The following TMTC2 variants were observed in gnomAD, a reference collection of about 807,000 sequenced individuals.
The protein encoded by TMTC2 is transmembrane O-mannosyltransferase targeting cadherins 2, also known as protein O-mannosyl-transferase TMTC2.
Under a neutral mutation model 82.4 loss-of-function variants are expected in TMTC2, and 43 were observed. The ratio of observed to expected loss-of-function variants is 0.52; its 90% CI spans 0.41 to 0.67. The LOEUF (loss-of-function observed/expected upper bound fraction) is 0.67, where lower values mean the gene tolerates loss of function less well. TMTC2 is among the 30% of genes least tolerant of loss of function. The pLI is 0.00. For missense variants in TMTC2, 919 were observed against 1,012.4 expected, an observed-to-expected ratio of 0.91 and a Z score of 1.25; for synonymous variants, 408 against 381.9, an observed-to-expected ratio of 1.07 and a Z score of -0.80.
chr12:83,126,571 A>G (rs1885104074), intron 11 of TMTC2, among the ~76,000 whole-genome samples: 1 of 152,148 alleles, frequency 6.6e-6, no homozygotes, highest in Admixed American at 6.6e-5. Flanking sequence ...AAGGGCCTGA[A>G]CCAAGTTGGA....
At chr12:82,690,202 A>G (rs1355306909) in intron 1 of TMTC2, 7 of 197,570 alleles carry the variant, frequency 3.5e-5, no homozygotes, top group Non-Finnish European at 6.4e-5. Context: ...CCAAGTGTAA[A>G]CTGTAGGATG....
At chr12:83,113,327 A>G (rs1191228216) in intron 11 of TMTC2, among the ~76,000 whole-genome samples, 2 of 152,242 alleles carry the variant, frequency 1.3e-5, no homozygotes, top group Non-Finnish European at 2.9e-5. Context: ...AGAAAATGTC[A>G]TTGAGCTGGT....
At chr12:83,023,208 T>C (rs1253723457) in intron 8 of TMTC2, among the ~76,000 whole-genome samples, 1 of 152,210 alleles carries the variant, frequency 6.6e-6, no homozygotes, top group Non-Finnish European at 1.5e-5. Context: ...CTCTCTTTAT[T>C]TGGGAAATTT....
intron 1 of TMTC2, among the ~76,000 whole-genome samples, chr12:82,779,717 G>A (rs1412717521): frequency 6.6e-6 from 1 of 152,016 alleles, no homozygotes; most frequent in Non-Finnish European, 1.5e-5. Flanking sequence ...TAACCAATAT[G>A]GTGAAACCCT....
chr12:82,746,747 C>A (rs1875712643), intron 1 of TMTC2, among the ~76,000 whole-genome samples: 1 of 152,268 alleles, frequency 6.6e-6, no homozygotes, highest in Middle Eastern at 3.4e-3. Flanking sequence ...AGAGTTTTCT[C>A]TAGCAACGGC....
At chr12:82,918,714 TTCTCTCTCTCTCTC>T (rs61006862) in intron 3 of TMTC2, among the ~76,000 whole-genome samples, 1 of 148,362 alleles carries the variant, frequency 6.7e-6, no homozygotes, top group Non-Finnish European at 1.5e-5. Flanking sequence ...TTTTCTTTTC[TTCTCTCTCTCTCTC>T]TCTCTCTCTC....
chr12:83,052,912 A>G (rs1268413430), intron 10 of TMTC2, among the ~76,000 whole-genome samples: 1 of 150,610 alleles, frequency 6.6e-6, no homozygotes, highest in East Asian at 2.0e-4. Context: ...GTGCCCTCCT[A>G]TATTGACTGC....
intron 4 of TMTC2, among the ~76,000 whole-genome samples, chr12:82,952,908 T>C (rs907313596): frequency 6.6e-6 from 1 of 152,176 alleles, no homozygotes; most frequent in African/African-American, 2.4e-5. Flanking sequence ...ATAATGCATA[T>C]GGCATTTTGT....
intron 2 of TMTC2, among the ~76,000 whole-genome samples, chr12:82,859,788 C>G (rs1003471670): frequency 3.9e-5 from 6 of 151,992 alleles, no homozygotes; most frequent in African/African-American, 1.5e-4. Context: ...TGGCTCTTTG[C>G]CCAGACTCTC....
intron 11 of TMTC2, among the ~76,000 whole-genome samples, chr12:83,076,461 C>T (rs554110052): frequency 7.2e-5 from 11 of 152,278 alleles, no homozygotes; most frequent in Non-Finnish European, 4.4e-5. Context: ...CAAACTGGGA[C>T]CACACACTAA....
intron 1 of TMTC2, among the ~76,000 whole-genome samples, chr12:82,733,412 T>C (rs1874932507): frequency 6.6e-6 from 1 of 152,188 alleles, no homozygotes. Context: ...TTTCTTGCAG[T>C]ATTTAGGGCC....
chr12:83,120,494 G>A (rs950840318), intron 11 of TMTC2, among the ~76,000 whole-genome samples: 1 of 152,200 alleles, frequency 6.6e-6, no homozygotes, highest in Admixed American at 6.5e-5. Context: ...AGCCCTTCTA[G>A]CTTGTAGAAT....
At chr12:83,034,398 G>A (rs1252040349) in intron 9 of TMTC2, among the ~76,000 whole-genome samples, 2 of 152,154 alleles carry the variant, frequency 1.3e-5, no homozygotes, top group African/African-American at 2.4e-5. Context: ...GGATCCCATC[G>A]AACTAGGTAG....
chr12:83,017,895 G>T (rs1037774252), intron 8 of TMTC2, among the ~76,000 whole-genome samples: 31 of 151,144 alleles, frequency 2.1e-4, no homozygotes, highest in Non-Finnish European at 3.8e-4. Flanking sequence ...CTAGAACTTA[G>T]GTTTCAGTTA....
rs1565844722 is a variant in TMTC2 at position 82,997,157 on chromosome 12, C to CTCT, written c.2070+11111_2070+11112insTCT. 6.7e-3 allele frequency among the ~76,000 whole-genome samples: 276 copies of CTCT among 41,338 alleles called. 5 individuals carry two copies. The highest frequency in any genetic ancestry group is 0.015 in the African/African-American group (261 of 17,452). 27.1% of individuals were successfully genotyped at this position (41,338 alleles called of 152,430 possible). ...GACTCCCTCATCATTTTGATACTTC[C>CTCT]CTCTCTCTCTCTCTCTCTCCCACCC... On this transcript the variant is annotated intron_variant, in intron 8 of 11. Coordinates refer to ENST00000321196, the MANE Select transcript of TMTC2 (RefSeq NM_152588.3).
At chr12:82,744,136 T>C (rs1441683597) in intron 1 of TMTC2, among the ~76,000 whole-genome samples, 1 of 151,984 alleles carries the variant, frequency 6.6e-6, no homozygotes, top group African/African-American at 2.4e-5. Flanking sequence ...TTTTAAAAAT[T>C]AGCAGCCGGG....
intron 3 of TMTC2, 46 bp from the exon 4 acceptor site, chr12:82,930,385 A>G: frequency 8.8e-7 from 1 of 1,134,294 alleles, no homozygotes; most frequent in Admixed American, 1.9e-5. Context: ...TGTCATGTAT[A>G]ATTGGATTGA....
chr12:82,948,893 C>G (rs1483463253), intron 4 of TMTC2, among the ~76,000 whole-genome samples: 1 of 151,406 alleles, frequency 6.6e-6, no homozygotes, highest in Non-Finnish European at 1.5e-5. Context: ...CCTGAACAAA[C>G]TTGTTTAAGT....
At chr12:82,939,436 GC>G (rs1470060655) in intron 4 of TMTC2, among the ~76,000 whole-genome samples, 1 of 151,992 alleles carries the variant, frequency 6.6e-6, no homozygotes, top group African/African-American at 2.4e-5. Context: ...ACCATTTGCA[GC>G]CTAATATGCT....
Sources: allele counts gnomAD v4.1 joint callset (sites outside exome capture counted in the v4.1 genomes callset), GRCh38; gene constraint gnomAD v4.1.1; transcripts MANE v1.5; gene names NCBI Gene and HGNC (gene_info 2026-07-23, HGNC 2026-07-21).